Variants in TM4SF1 observed in about 807,000 individuals in gnomAD.
TM4SF1 encodes the protein transmembrane 4 L six family member 1.
In TM4SF1, 20 loss-of-function variants were observed where a neutral mutation model predicts 24.5. The observed-to-expected ratio is 0.82, with a 90% CI of 0.57 to 1.19. The LOEUF (loss-of-function observed/expected upper bound fraction) is 1.19, where lower values mean the gene tolerates loss of function less well. TM4SF1 is among the 50% of genes most tolerant of loss of function. The pLI, the probability that TM4SF1 is intolerant of heterozygous loss-of-function variation, is 0.00. For synonymous variants in TM4SF1, 107 were observed against 95.4 expected (o/e 1.12, Z -0.71); for missense variants, 258 against 248.1 (o/e 1.04, Z -0.27).
chr3:149,375,566 G>A lies in TM4SF1; in HGVS notation c.290C>T (p.Ala97Val), dbSNP rs199669677. The change falls in exon 3 of 5, where the codon GCT (alanine) becomes GTT (valine). Residue 97 changes from alanine (A) to valine (V), a missense_variant. By Grantham distance (64) the Ala-to-Val change is moderately conservative (BLOSUM62 0). Coordinates refer to ENST00000305366, the MANE Select transcript of TM4SF1 (RefSeq NM_014220.3). ...GCCAGATCCTGCAATTCCAATGAGA[G>A]CAGCCAATACAGAAGAAAGCATCTA... ...RCAMLSSVLAALIGIAGSGYC... is the reference protein window; with the variant it reads ...RCAMLSSVLAVLIGIAGSGYC... The A allele has an allele frequency of 2.5e-6, 4 of 1,614,098 alleles. No homozygotes were observed. Among genetic ancestry groups the A allele is most frequent in the Non-Finnish European group, 3.4e-6 (4 of 1,180,014 alleles).
At chr3:149,372,711 CG>C (rs1731856224) in intron 3 of TM4SF1, among the ~76,000 whole-genome samples, 1 of 152,180 alleles carries the variant, frequency 6.6e-6, no homozygotes, top group African/African-American at 2.4e-5. Flanking sequence ...GCAACCTCTA[CG>C]TCCCAGGTTC....
rs1731764555 is a variant in TM4SF1 at position 149,369,296 on chromosome 3, CA to C, written c.*569del. On this transcript the variant is annotated 3_prime_UTR_variant, in exon 5 of 5. Coordinates refer to ENST00000305366, the MANE Select transcript of TM4SF1 (RefSeq NM_014220.3). ...ATGAGCAGCATTGTAAGTTGTGATG[CA>C]TTCATTTGGATTGGAACATTCTCAA... 6.5e-6 allele frequency: 1 copy of C among 152,762 alleles called. No homozygotes were observed. Among genetic ancestry groups the C allele is most frequent in the African/African-American group, 2.4e-5 (1 of 41,428 alleles). The allele number at this position is 152,762 out of a possible 1,614,324, so 9.5% of individuals were successfully genotyped here.
At position 149,375,503 on chromosome 3, in the gene TM4SF1, C is replaced by A; in HGVS notation, c.353G>T (p.Gly118Val). The change falls in exon 3 of 5, where the codon GGA becomes GTA. Residue 118 changes from glycine (G) to valine (V), a missense_variant. Transcript: ENST00000305366. ...GCCGAGGGAATCAAGACATAGTGGTCCTTCTGCTAAGCCAAGGGCTGCCAC... is the reference window on the plus strand; with the variant it reads ...GCCGAGGGAATCAAGACATAGTGGTACTTCTGCTAAGCCAAGGGCTGCCAC... ...VIVAALGLAE[G>V]PLCLDSLGQW... 6.2e-7 allele frequency: 1 copy of A among 1,614,188 alleles called. No homozygotes were observed. Among genetic ancestry groups the A allele is most frequent in the South Asian group, 1.1e-5 (1 of 91,082 alleles).
chr3:149,377,030 G>C (rs541586826), intron 1 of TM4SF1, among the ~76,000 whole-genome samples: 2 of 152,104 alleles, frequency 1.3e-5, no homozygotes, highest in Non-Finnish European at 2.9e-5. Flanking sequence ...AACCCCTTCC[G>C]GCTCCCCAGA....
chr3:149,369,141 TC>T lies in TM4SF1; in HGVS notation c.*724del, dbSNP rs1456508471. ...TGCTGATCAACTGCTTTATTCAGTT[TC>T]CCATCTTTCTTCTTGCCCAGTCATC... On this transcript the variant is annotated 3_prime_UTR_variant, in exon 5 of 5. Transcript: ENST00000305366. The T allele has an allele frequency of 1.3e-5, 2 of 152,226 alleles. No homozygotes were observed. Among genetic ancestry groups the T allele is most frequent in the Non-Finnish European group, 2.9e-5 (2 of 68,050 alleles). The allele number at this position is 152,226 out of a possible 1,614,324, so 9.4% of individuals were successfully genotyped here. A position where few individuals can be genotyped will look rare whatever the true frequency, so the allele number is the denominator to read the frequency against.
At chr3:149,374,095 T>C (rs79207797) in intron 3 of TM4SF1, among the ~76,000 whole-genome samples, 4,046 of 136,624 alleles carry the variant, frequency 0.03, 162 homozygotes, top group African/African-American at 0.11. Flanking sequence ...GTAGCTAATA[T>C]TAACAGCTAA....
chr3:149,373,991 G>T (rs1486944256), intron 3 of TM4SF1, among the ~76,000 whole-genome samples: 1 of 152,180 alleles, frequency 6.6e-6, no homozygotes, highest in Non-Finnish European at 1.5e-5. Flanking sequence ...GCTGAGTCAT[G>T]ATTGATCACA....
At chr3:149,373,690 C>A (rs1731884759) in intron 3 of TM4SF1, among the ~76,000 whole-genome samples, 1 of 152,154 alleles carries the variant, frequency 6.6e-6, no homozygotes, top group Admixed American at 6.5e-5. Context: ...AGGCAACTAA[C>A]CTGTGGCTTG....
At chr3:149,375,866 C>T in intron 1 of TM4SF1, 97 bp from the exon 2 acceptor site, 1 of 1,130,708 alleles carries the variant, frequency 8.8e-7, no homozygotes, top group Non-Finnish European at 1.3e-6. Context: ...TTTCCAATGA[C>T]ATTAACTGGC....
chr3:149,373,278 G>A (rs1731873229), intron 3 of TM4SF1, among the ~76,000 whole-genome samples: 1 of 152,184 alleles, frequency 6.6e-6, no homozygotes, highest in Admixed American at 6.5e-5. Flanking sequence ...TCTGACTATA[G>A]ATTCTAGGAT....
At chr3:149,371,348 T>A (rs1479166992) in intron 4 of TM4SF1, 8 of 501,446 alleles carry the variant, frequency 1.6e-5, no homozygotes, top group Non-Finnish European at 2.8e-5. Context: ...GTTGGGAATA[T>A]AACAGCAAAC....
intron 3 of TM4SF1, 43 bp downstream of exon 3, chr3:149,375,400 T>C: frequency 6.2e-7 from 1 of 1,608,080 alleles, no homozygotes. Context: ...TATATACATG[T>C]GGTGGATAAA....
chr3:149,371,551 T>C, intron 4 of TM4SF1, 136 bp downstream of exon 4: 2 of 864,988 alleles, frequency 2.3e-6, no homozygotes, highest in Non-Finnish European at 3.8e-6. Context: ...AATGCTATAA[T>C]TGTGTTGCTA....
At chr3:149,377,312 A>G (rs1364653550) in intron 1 of TM4SF1, 59 bp downstream of exon 1, 17 of 1,538,516 alleles carry the variant, frequency 1.1e-5, no homozygotes, top group Non-Finnish European at 1.5e-5. Context: ...CCATGAAAAT[A>G]CATAATGAAA....
Position 149,375,529 on chromosome 3 carries a change from A to G in TM4SF1, c.327T>C (p.Ile109=). Residue 109 remains isoleucine (I), a synonymous_variant, in exon 3 of 5, where the codon ATT becomes ATC. Coordinates refer to ENST00000305366, the MANE Select transcript of TM4SF1 (RefSeq NM_014220.3). ...IGIAGSGYCV[I]VAALGLAEGP... The stretch of plus-strand genomic sequence containing the variant: ...CTTCTGCTAAGCCAAGGGCTGCCAC[A>G]ATGACACAGTAGCCAGATCCTGCAA... 1.1e-5 allele frequency: 17 copies of G among 1,614,246 alleles called. No homozygotes were observed. Among genetic ancestry groups the G allele is most frequent in the Non-Finnish European group, 1.4e-5 (17 of 1,180,038 alleles).
chr3:149,369,968 A>G (rs1366993736), intron 4 of TM4SF1, 88 bp from the exon 5 acceptor site: 2 of 1,479,730 alleles, frequency 1.4e-6, no homozygotes, highest in African/African-American at 2.9e-5. Context: ...TTAAGCAAAC[A>G]TAAACAGACT....
chr3:149,374,626 A>G (rs1731905756), intron 3 of TM4SF1, among the ~76,000 whole-genome samples: 1 of 152,216 alleles, frequency 6.6e-6, no homozygotes, highest in African/African-American at 2.4e-5. Flanking sequence ...TCCTGATATT[A>G]TGATTGTGAA....
At chr3:149,375,892 C>G (rs1576849998) in intron 1 of TM4SF1, 123 bp from the exon 2 acceptor site, 1 of 833,732 alleles carries the variant, frequency 1.2e-6, no homozygotes. Context: ...TTAGGTTGAC[C>G]AGATATCTCA....
rs535038630 is a variant in TM4SF1 at position 149,369,655 on chromosome 3, A to T, written c.*211T>A. The stretch of plus-strand genomic sequence containing the variant: ...GTGGTTTGTTTCCTCATTCCTTAAA[A>T]AAAAACAAAAACAAATAAACAAACA... On this transcript the variant is annotated 3_prime_UTR_variant, in exon 5 of 5. Transcript: ENST00000305366. 2 of 593,540 alleles carry T rather than the reference A, an allele frequency of 3.4e-6. No individual in the cohort carries two copies. The highest frequency in any genetic ancestry group is 3.3e-5 in the East Asian group (1 of 30,038). The allele number at this position is 593,540 out of a possible 1,614,324, so 36.8% of individuals were successfully genotyped here. A position where few individuals can be genotyped will look rare whatever the true frequency, so the allele number is the denominator to read the frequency against.
Sources: gnomAD v4.1 joint callset for allele counts (sites outside exome capture counted in the v4.1 genomes callset) on GRCh38, gnomAD v4.1.1 for gene constraint, MANE v1.5 for transcripts, NCBI Gene and HGNC (gene_info 2026-07-23, HGNC 2026-07-21) for gene names.